Variants in GREM2 observed in about 807,000 individuals in gnomAD.
GREM2 encodes gremlin-2.
GREM2 carries 11 observed loss-of-function variants against 14.2 expected under a neutral mutation model. The observed-to-expected ratio is 0.78, with a 90% CI of 0.49 to 1.28. The LOEUF (loss-of-function observed/expected upper bound fraction) is 1.28, where lower values mean the gene tolerates loss of function less well. Ranked by LOEUF, GREM2 falls within the 50% of genes most tolerant of loss-of-function variation. The probability of loss-of-function intolerance (pLI) is 0.00; values close to 1 mark genes in which losing one functional copy is unlikely to be tolerated. For missense variants in GREM2, 210 were observed against 218.5 expected, an observed-to-expected ratio of 0.96 and a Z score of 0.24; for synonymous variants, 98 against 97.6, an observed-to-expected ratio of 1.00 and a Z score of -0.02.
chr1:240,524,080 A>G (rs1458689682), intron 1 of GREM2, among the ~76,000 whole-genome samples: 3 of 152,200 alleles, frequency 2.0e-5, no homozygotes, highest in Admixed American at 6.6e-5. Flanking sequence ...GTGATGTAAT[A>G]ATCATAGCTC....
At chr1:240,530,073 T>C (rs1397165455) in intron 1 of GREM2, among the ~76,000 whole-genome samples, 1 of 152,066 alleles carries the variant, frequency 6.6e-6, no homozygotes, top group Non-Finnish European at 1.5e-5. Context: ...GGCACCCGGT[T>C]TTTCAAGAAA....
At chr1:240,548,661 A>T (rs1678785491) in intron 1 of GREM2, among the ~76,000 whole-genome samples, 1 of 152,232 alleles carries the variant, frequency 6.6e-6, no homozygotes, top group South Asian at 2.1e-4. Flanking sequence ...GCAGATAAAG[A>T]TAAAGAGTGA....
intron 1 of GREM2, among the ~76,000 whole-genome samples, chr1:240,548,483 G>C (rs958602477): frequency 5.3e-5 from 8 of 152,030 alleles, no homozygotes; most frequent in African/African-American, 1.9e-4. Context: ...TATTACATTT[G>C]TGCAGAAAGA....
intron 1 of GREM2, among the ~76,000 whole-genome samples, chr1:240,516,338 G>A (rs1459165256): frequency 6.6e-6 from 1 of 152,070 alleles, no homozygotes; most frequent in African/African-American, 2.4e-5. Flanking sequence ...ACAGTTATGA[G>A]TAACTGTGTA....
In GREM2 at chr1:240,492,860, G is replaced by C. The variant is rs934582962; in HGVS notation, c.*109C>G. On this transcript the variant is annotated 3_prime_UTR_variant, in exon 2 of 2. Coordinates refer to ENST00000318160, the MANE Select transcript of GREM2 (RefSeq NM_022469.4). Reference sequence around the variant, plus strand: ...CTAAGAGAAGTGCTTGCTGCTGAGGGGGAACACCAGGCAGCGTGACAGTGG... The same window carrying C: ...CTAAGAGAAGTGCTTGCTGCTGAGGCGGAACACCAGGCAGCGTGACAGTGG... 4.9e-5 allele frequency: 55 copies of C among 1,112,272 alleles called. No individual in the cohort carries two copies. Among genetic ancestry groups the C allele is most frequent in the Non-Finnish European group, 6.0e-5 (52 of 861,080 alleles). 68.9% of individuals were successfully genotyped at this position (1,112,272 alleles called of 1,614,324 possible).
At chr1:240,602,945 C>T (rs890188314) in intron 1 of GREM2, among the ~76,000 whole-genome samples, 18 of 151,186 alleles carry the variant, frequency 1.2e-4, no homozygotes, top group South Asian at 4.2e-4. Flanking sequence ...TGGTGGCGGG[C>T]GCCTGTAGTC....
chr1:240,521,549 C>T (rs761504035), intron 1 of GREM2, among the ~76,000 whole-genome samples: 19 of 151,434 alleles, frequency 1.3e-4, no homozygotes, highest in East Asian at 3.9e-4. Context: ...CCAGCCTGGG[C>T]GACAGTGTGA....
At chr1:240,522,120 C>CAAAA (rs34438696) in intron 1 of GREM2, among the ~76,000 whole-genome samples, 1 of 70,880 alleles carries the variant, frequency 1.4e-5, no homozygotes, top group Non-Finnish European at 3.0e-5. Flanking sequence ...ACCCTGTCTC[C>CAAAA]AAAAAAAAAA....
intron 1 of GREM2, among the ~76,000 whole-genome samples, chr1:240,538,097 C>G (rs1291672197): frequency 1.3e-5 from 2 of 152,144 alleles, no homozygotes; most frequent in East Asian, 1.9e-4. Context: ...AATAGAGGAA[C>G]AAGTCAAAGT....
chr1:240,506,696 A>C (rs1417347887), intron 1 of GREM2, among the ~76,000 whole-genome samples: 1 of 152,226 alleles, frequency 6.6e-6, no homozygotes, highest in Non-Finnish European at 1.5e-5. Flanking sequence ...TGTGCACATT[A>C]ATTTATTCAT....
intron 1 of GREM2, among the ~76,000 whole-genome samples, chr1:240,584,113 A>C (rs1679542862): frequency 6.6e-6 from 1 of 152,174 alleles, no homozygotes; most frequent in Non-Finnish European, 1.5e-5. Context: ...TGGAGAAAAA[A>C]AAAGAAAGCA....
At chr1:240,582,809 A>G (rs926962639) in intron 1 of GREM2, among the ~76,000 whole-genome samples, 8 of 152,140 alleles carry the variant, frequency 5.3e-5, no homozygotes, top group African/African-American at 9.7e-5. Flanking sequence ...AAAAAAAAAA[A>G]AGAGAAATTT....
At chr1:240,569,352 C>T (rs1174879346) in intron 1 of GREM2, among the ~76,000 whole-genome samples, 1 of 151,922 alleles carries the variant, frequency 6.6e-6, no homozygotes, top group Non-Finnish European at 1.5e-5. Context: ...CAAGATGATT[C>T]TAAAATTCAT....
intron 1 of GREM2, among the ~76,000 whole-genome samples, chr1:240,603,129 G>A (rs559458176): frequency 5.3e-5 from 8 of 152,070 alleles, no homozygotes; most frequent in South Asian, 2.1e-4. Flanking sequence ...AATGCGGTGC[G>A]GTGCGGAGCT....
chr1:240,579,532 A>T (rs1679440230), intron 1 of GREM2, among the ~76,000 whole-genome samples: 1 of 152,182 alleles, frequency 6.6e-6, no homozygotes, highest in Admixed American at 6.5e-5. Flanking sequence ...CAGAGCAAGC[A>T]TTCTTATTTT....
At chr1:240,556,651 C>T (rs921674863) in intron 1 of GREM2, among the ~76,000 whole-genome samples, 2 of 151,574 alleles carry the variant, frequency 1.3e-5, no homozygotes, top group South Asian at 2.1e-4. Flanking sequence ...ATTATTCCTA[C>T]GAGAAAAAAG....
intron 1 of GREM2, among the ~76,000 whole-genome samples, chr1:240,609,057 G>T (rs1680084570): frequency 6.6e-6 from 1 of 152,294 alleles, no homozygotes; most frequent in Middle Eastern, 3.4e-3. Context: ...CATCAAAAAT[G>T]TATACTTGAA....
intron 1 of GREM2, among the ~76,000 whole-genome samples, chr1:240,591,800 G>A (rs1679721256): frequency 6.6e-6 from 1 of 152,184 alleles, no homozygotes; most frequent in Non-Finnish European, 1.5e-5. Flanking sequence ...TCCAGCAGCT[G>A]AGTTAGTAGG....
chr1:240,520,441 T>A (rs545034676), intron 1 of GREM2, among the ~76,000 whole-genome samples: 116 of 152,350 alleles, frequency 7.6e-4, no homozygotes, highest in African/African-American at 2.5e-3. Context: ...TGGACTCTGC[T>A]CATAGATAAG....
Sources: gnomAD v4.1 joint callset for allele counts (sites outside exome capture counted in the v4.1 genomes callset) on GRCh38, gnomAD v4.1.1 for gene constraint, MANE v1.5 for transcripts, NCBI Gene and HGNC (gene_info 2026-07-23, HGNC 2026-07-21) for gene names.